ROR2: variants seen among roughly 807,000 people sequenced by gnomAD.
The protein encoded by ROR2 is tyrosine-protein kinase transmembrane receptor ROR2.
A neutral mutation model predicts 74.9 loss-of-function variants in ROR2; 33 were observed. The observed-to-expected ratio is 0.44, with a 90% CI of 0.33 to 0.59. ROR2 has a LOEUF of 0.59. Ranked by LOEUF, ROR2 falls within the 20% of genes least tolerant of loss-of-function variation. ROR2 has a pLI of 0.02. For missense variants in ROR2, 1,216 were observed against 1,313.8 expected (o/e 0.93, Z 1.15); for synonymous variants, 586 against 558.7 (o/e 1.05, Z -0.69).
In ROR2 at chr9:91,843,756, G is replaced by A. The variant is rs530542918; in HGVS notation, c.98-67938C>T. Among the ~76,000 whole-genome samples the A allele has an allele frequency of 1.9e-4, 29 of 152,344 alleles. No individual in the cohort carries two copies. The South Asian group carries it at 2.3e-3, about 12-fold the overall frequency. Reference sequence around the variant, plus strand: ...AGACAAGCCCCGTGGCACCACCCCCGGCTCCAGAGTCTGCACATGCCCCGC... The same window carrying A: ...AGACAAGCCCCGTGGCACCACCCCCAGCTCCAGAGTCTGCACATGCCCCGC... On this transcript the variant is annotated intron_variant, in intron 1 of 8. Coordinates refer to ENST00000375708, the MANE Select transcript of ROR2 (RefSeq NM_004560.4).
chr9:91,746,974 A>C (rs1825442764), intron 4 of ROR2, among the ~76,000 whole-genome samples: 1 of 151,960 alleles, frequency 6.6e-6, no homozygotes, highest in Non-Finnish European at 1.5e-5. Context: ...TGGTGCTCTG[A>C]CTTCGGGAAG....
intron 1 of ROR2, among the ~76,000 whole-genome samples, chr9:91,781,475 G>A (rs777432155): frequency 6.6e-6 from 1 of 152,188 alleles, no homozygotes; most frequent in Non-Finnish European, 1.5e-5. Flanking sequence ...AAGGAGCAGC[G>A]TATAAAGTCC....
intron 1 of ROR2, among the ~76,000 whole-genome samples, chr9:91,868,225 A>G (rs1247487108): frequency 2.0e-5 from 3 of 152,234 alleles, no homozygotes; most frequent in East Asian, 1.9e-4. Flanking sequence ...TATAATAACT[A>G]GAAGAAAAAC....
intron 1 of ROR2, among the ~76,000 whole-genome samples, chr9:91,853,687 G>A (rs370267372): frequency 6.6e-5 from 10 of 152,080 alleles, no homozygotes; most frequent in African/African-American, 1.7e-4. Flanking sequence ...AACAGGACAC[G>A]TCCCACTCGA....
At chr9:91,850,540 G>A (rs1257009660) in intron 1 of ROR2, among the ~76,000 whole-genome samples, 1 of 152,188 alleles carries the variant, frequency 6.6e-6, no homozygotes, top group Non-Finnish European at 1.5e-5. Context: ...ATGGACAAGG[G>A]GCCATGAACC....
chr9:91,724,353 G>T lies in ROR2; in HGVS notation c.2141C>A (p.Pro714His). The T allele has an allele frequency of 6.2e-7, 1 of 1,613,640 alleles. No homozygotes were observed. The highest frequency in any genetic ancestry group is 8.5e-7 in the Non-Finnish European group (1 of 1,180,032). The change falls in exon 9 of 9, where the codon CCC becomes CAC. Residue 714 changes from proline (P) to histidine (H), a missense_variant. Coordinates refer to ENST00000375708, the MANE Select transcript of ROR2 (RefSeq NM_004560.4). The part of the protein sequence containing the change: ...MIRNRQVLPC[P>H]DDCPAWVYAL... ...ATACACCCAGGCGGGACAGTCATCG[G>T]GGCAAGGCAGCACCTGCCGGTTCCG...
Position 91,733,654 on chromosome 9 carries a change from T to C in ROR2, c.623-218A>G, listed in dbSNP as rs543700652. Among the ~76,000 whole-genome samples, 6 of 150,576 alleles carry C rather than the reference T, an allele frequency of 4.0e-5. No individual in the cohort carries two copies. In the South Asian group the frequency reaches 1.0e-3, roughly 26 times the overall value. On this transcript the variant is annotated intron_variant, in intron 5 of 8. Coordinates refer to ENST00000375708, the MANE Select transcript of ROR2 (RefSeq NM_004560.4). The surrounding 1 kb of genome is among the most constrained non-coding windows in gnomAD (Gnocchi z 5.7). ...CATCACCTGCTCTGATTTGCAGCAGTCACAGAAAAGTCCCTGGTCCCAGGG... is the reference window on the plus strand; with the variant it reads ...CATCACCTGCTCTGATTTGCAGCAGCCACAGAAAAGTCCCTGGTCCCAGGG...
intron 1 of ROR2, among the ~76,000 whole-genome samples, chr9:91,842,755 C>T (rs1435917461): frequency 1.3e-5 from 2 of 152,222 alleles, no homozygotes; most frequent in Admixed American, 6.5e-5. Context: ...CCTCCTTTCC[C>T]GAGAGCCCAG....
chr9:91,752,643 G>C (rs72744477), intron 4 of ROR2, among the ~76,000 whole-genome samples: 5,980 of 152,184 alleles, frequency 0.039, 157 homozygotes, highest in Middle Eastern at 0.078. Context: ...ATCTGGATAG[G>C]GTGTTTCGAT....
intron 1 of ROR2, among the ~76,000 whole-genome samples, chr9:91,915,250 C>A (rs993697874): frequency 6.6e-6 from 1 of 152,156 alleles, no homozygotes; most frequent in Admixed American, 6.5e-5. Flanking sequence ...CACGCGGCTC[C>A]CATAGACACC....
intron 1 of ROR2, among the ~76,000 whole-genome samples, chr9:91,837,937 TC>T (rs1828662193): frequency 6.6e-6 from 1 of 152,226 alleles, no homozygotes; most frequent in African/African-American, 2.4e-5. Context: ...ACCATACTTT[TC>T]TTTTCATTGT....
At chr9:91,783,988 C>T (rs1642727571) in intron 1 of ROR2, among the ~76,000 whole-genome samples, 1 of 152,170 alleles carries the variant, frequency 6.6e-6, no homozygotes, top group Non-Finnish European at 1.5e-5. Flanking sequence ...AACACCAGAA[C>T]ACCTACAACT....
rs12001678 is a variant in ROR2 at position 91,757,878 on chromosome 9, G to A, written c.176-319C>T. Among the ~76,000 whole-genome samples the A allele has an allele frequency of 0.03, 4,497 of 152,182 alleles. 220 individuals carry two copies. The highest frequency in any genetic ancestry group is 0.1 in the African/African-American group (4,253 of 41,490). On this transcript the variant is annotated intron_variant, in intron 2 of 8. Transcript: ENST00000375708. ...AAAGACACCATATTCAATGTGTACT[G>A]TTGATTCCTTCACATTGAACCCATG... is the stretch of plus-strand genomic sequence containing the variant.
chr9:91,803,280 C>T (rs527813939), intron 1 of ROR2, among the ~76,000 whole-genome samples: 3 of 152,302 alleles, frequency 2.0e-5, no homozygotes, highest in South Asian at 4.2e-4. Context: ...ACCTTGAGGA[C>T]ATTATGCTAA....
intron 1 of ROR2, among the ~76,000 whole-genome samples, chr9:91,814,265 A>G (rs550550657): frequency 1.3e-5 from 2 of 152,316 alleles, no homozygotes; most frequent in Admixed American, 6.5e-5. Context: ...ACCTTGATCT[A>G]TTTTTGATCG....
At chr9:91,874,767 C>G (rs1829908266) in intron 1 of ROR2, among the ~76,000 whole-genome samples, 1 of 152,106 alleles carries the variant, frequency 6.6e-6, no homozygotes, top group Non-Finnish European at 1.5e-5. Context: ...CAAACCCTGT[C>G]TCCACTAAAA....
At chr9:91,784,562 G>A (rs1453964327) in intron 1 of ROR2, among the ~76,000 whole-genome samples, 2 of 152,260 alleles carry the variant, frequency 1.3e-5, no homozygotes, top group African/African-American at 4.8e-5. Context: ...ATGCCTGGGT[G>A]GGAGCAGGTT....
intron 1 of ROR2, among the ~76,000 whole-genome samples, chr9:91,826,802 G>GA (rs1181092049): frequency 1.3e-5 from 2 of 149,096 alleles, no homozygotes; most frequent in Non-Finnish European, 3.0e-5. Flanking sequence ...AAAGAAAAAA[G>GA]AAAAAAGAAA....
chr9:91,857,814 C>A (rs1283863087), intron 1 of ROR2, among the ~76,000 whole-genome samples: 1 of 152,186 alleles, frequency 6.6e-6, no homozygotes, highest in Non-Finnish European at 1.5e-5. Flanking sequence ...GCAGGTTCAA[C>A]AATCTGGTTT....
Sources: allele counts gnomAD v4.1 joint callset (sites outside exome capture counted in the v4.1 genomes callset), GRCh38; gene constraint gnomAD v4.1.1; non-coding constraint Gnocchi (gnomAD v3.1); transcripts MANE v1.5; gene names NCBI Gene and HGNC (gene_info 2026-07-23, HGNC 2026-07-21).